TRIM43B: variants seen among roughly 807,000 people sequenced by gnomAD.
TRIM43B encodes tripartite motif containing 43B.
TRIM43B carries 15 observed loss-of-function variants against 27.0 expected under a neutral mutation model. The ratio of observed to expected loss-of-function variants is 0.55; its 90% CI spans 0.37 to 0.85. TRIM43B has a LOEUF of 0.85. TRIM43B is among the 40% of genes least tolerant of loss of function. TRIM43B has a pLI of 0.00. For missense variants in TRIM43B, 172 were observed against 289.8 expected (o/e 0.59, Z 2.95); for synonymous variants, 69 against 97.8 (o/e 0.71, Z 1.74).
At chr2:95,482,181 T>C in intron 2 of TRIM43B, 123 bp downstream of exon 2, 1 of 841,356 alleles carries the variant, frequency 1.2e-6, no homozygotes, top group South Asian at 1.8e-5. Flanking sequence ...TCATCATTGG[T>C]ACCTAGAACA....
In TRIM43B at chr2:95,481,463, G is replaced by A. The variant is rs534786795; in HGVS notation, c.507+132C>T. The A allele has an allele frequency of 1.8e-4, 123 of 670,482 alleles. 1 individual carries two copies. In the East Asian group the frequency reaches 1.9e-3, roughly 10 times the overall value. 41.5% of individuals were successfully genotyped at this position (670,482 alleles called of 1,614,324 possible). ...AACAATCGTTATGTTGAACAGTCTG[G>A]TTGTTTTCCAGCCTATGAATAAACA... On this transcript the variant is annotated intron_variant, in intron 3 of 6. Coordinates refer to ENST00000639673, the Ensembl canonical transcript of TRIM43B.
At chr2:95,482,238 C>G (rs1158244081) in intron 2 of TRIM43B, 66 bp downstream of exon 2, 15 of 1,448,042 alleles carry the variant, frequency 1.0e-5, no homozygotes, top group Non-Finnish European at 1.4e-5. Flanking sequence ...TGATTCTCAT[C>G]ATCCTTCTAA....
chr2:95,481,464 T>A, intron 3 of TRIM43B, 131 bp downstream of exon 3: 1 of 675,704 alleles, frequency 1.5e-6, no homozygotes, highest in East Asian at 2.9e-5. Flanking sequence ...AACAGTCTGG[T>A]TGTTTTCCAG....
rs756858260 is a variant in TRIM43B at position 95,482,290 on chromosome 2, G to A, written c.411+14C>T. The A allele has an allele frequency of 6.8e-6, 11 of 1,611,038 alleles. No individual in the cohort carries two copies. The South Asian group carries it at 1.1e-4, about 16-fold the overall frequency. ...ACCCTCCAGCTTTCAGGTGATCACA[G>A]AGCTATCTCTTACCCGGTCTTCCTC... On this transcript the variant is annotated intron_variant, in intron 2 of 6. Transcript: ENST00000639673.
exon 1 of TRIM43B, chr2:95,484,657 T>C (rs1395582867): frequency 2.6e-5 from 4 of 152,104 alleles, no homozygotes; most frequent in African/African-American, 9.7e-5. Flanking sequence ...ATCAGATGGA[T>C]TCAGCTCAGG....
At chr2:95,481,833 T>C in intron 2 of TRIM43B, 143 bp from the exon 3 acceptor site, 1 of 727,988 alleles carries the variant, frequency 1.4e-6, no homozygotes, top group Non-Finnish European at 2.2e-6. Context: ...CATCCTTAAT[T>C]GATATTTTTC....
chr2:95,483,010 G>C (rs1683563792), intron 1 of TRIM43B, among the ~76,000 whole-genome samples: 1 of 152,038 alleles, frequency 6.6e-6, no homozygotes, highest in South Asian at 2.1e-4. Context: ...AATTGCTTGG[G>C]CTTCAAGGGT....
exon 1 of TRIM43B, chr2:95,484,621 A>G (rs1415281807): frequency 2.0e-5 from 3 of 152,152 alleles, no homozygotes; most frequent in Non-Finnish European, 2.9e-5. Flanking sequence ...AAATATATCT[A>G]TGTTCTCACC....
At chr2:95,483,515 T>A (rs1482723177) in intron 1 of TRIM43B, among the ~76,000 whole-genome samples, 1 of 151,932 alleles carries the variant, frequency 6.6e-6, no homozygotes, top group African/African-American at 2.4e-5. Context: ...AGAGTAAGTA[T>A]CATGCAATAA....
At chr2:95,483,326 G>A (rs1268955355) in intron 1 of TRIM43B, among the ~76,000 whole-genome samples, 3 of 152,092 alleles carry the variant, frequency 2.0e-5, no homozygotes, top group African/African-American at 4.8e-5. Context: ...TTTCTAGGCT[G>A]CTATGTTAAT....
intron 2 of TRIM43B, 107 bp downstream of exon 2, chr2:95,482,197 T>C (rs1183542419): frequency 9.1e-7 from 1 of 1,093,586 alleles, no homozygotes; most frequent in African/African-American, 1.6e-5. Context: ...GAACAGCACC[T>C]GGCACTCAGT....
At chr2:95,484,230 G>A (rs1683599351) in intron 1 of TRIM43B, among the ~76,000 whole-genome samples, 1 of 151,912 alleles carries the variant, frequency 6.6e-6, no homozygotes, top group Admixed American at 6.6e-5. Flanking sequence ...AATTTAGATG[G>A]GCGTGGTGGC....
At chr2:95,481,526 T>C (rs1683522156) in intron 3 of TRIM43B, 69 bp downstream of exon 3, 4 of 1,170,604 alleles carry the variant, frequency 3.4e-6, no homozygotes, top group Non-Finnish European at 2.4e-6. Flanking sequence ...TCAACTCAAG[T>C]TGCTAATATA....
rs1263861808 is a variant in TRIM43B at position 95,482,467 on chromosome 2, CAG to C, written c.246_247del (p.Trp83AlafsTer6). ...TTGTTTCTCAGAGCTCAGGAATTGC[CAG>C]AGACTGGCTTTTCTGGCAATGGTCA... is the stretch of plus-strand genomic sequence containing the variant. On this transcript the variant is annotated frameshift_variant, in exon 2 of 7. Transcript: ENST00000639673. LOFTEE classifies it high-confidence loss of function. The C allele has an allele frequency of 6.2e-7, 1 of 1,603,916 alleles. No individual in the cohort carries two copies. The highest frequency in any genetic ancestry group is 1.1e-5 in the South Asian group (1 of 90,244).
chr2:95,484,046 T>C (rs1389222272), intron 1 of TRIM43B, among the ~76,000 whole-genome samples: 1 of 140,968 alleles, frequency 7.1e-6, no homozygotes, highest in Non-Finnish European at 1.5e-5. Context: ...TCATCCTGTC[T>C]CTAAAAATAC....
chr2:95,481,400 A>AT (rs1449142106), intron 3 of TRIM43B, among the ~76,000 whole-genome samples, 195 bp downstream of exon 3: 1 of 152,074 alleles, frequency 6.6e-6, no homozygotes, highest in Non-Finnish European at 1.5e-5. Flanking sequence ...ATTTATATTT[A>AT]TTTTTTACTT....
intron 3 of TRIM43B, among the ~76,000 whole-genome samples, chr2:95,481,301 A>T (rs1177137622): frequency 6.6e-6 from 1 of 152,142 alleles, no homozygotes; most frequent in East Asian, 1.9e-4. Context: ...TCTCAATTAT[A>T]TACTATTTAA....
intron 1 of TRIM43B, among the ~76,000 whole-genome samples, chr2:95,483,728 G>T (rs1683579908): frequency 6.6e-6 from 1 of 151,996 alleles, no homozygotes; most frequent in Admixed American, 6.6e-5. Context: ...CTCTGGAGGC[G>T]GGGCCTGGAG....
chr2:95,481,019 ACT>A (rs1683512340), intron 3 of TRIM43B, among the ~76,000 whole-genome samples: 1 of 151,806 alleles, frequency 6.6e-6, no homozygotes, highest in Non-Finnish European at 1.5e-5. Context: ...AAATCCATAG[ACT>A]CTGTATTGCA....
Sources: allele counts gnomAD v4.1 joint callset (sites outside exome capture counted in the v4.1 genomes callset), GRCh38; gene constraint gnomAD v4.1.1; transcripts MANE v1.5; gene names NCBI Gene and HGNC (gene_info 2026-07-23, HGNC 2026-07-21).